The following SUGCT variants were observed in gnomAD, a reference collection of about 807,000 sequenced individuals.
SUGCT encodes succinyl-CoA:glutarate-CoA transferase.
SUGCT carries 41 observed loss-of-function variants against 55.0 expected under a neutral mutation model. The ratio of observed to expected loss-of-function variants is 0.74; its 90% CI spans 0.58 to 0.97. The LOEUF (loss-of-function observed/expected upper bound fraction) is 0.97. Among genes scored for constraint, SUGCT ranks in the 50% least tolerant of loss-of-function variants. The pLI is 0.00. For synonymous variants in SUGCT, 187 were observed against 200.4 expected, an observed-to-expected ratio of 0.93 and a Z score of 0.56; for missense variants, 568 against 547.8, an observed-to-expected ratio of 1.04 and a Z score of -0.37.
chr7:40,303,803 G>T lies in SUGCT; in HGVS notation c.721-12957G>T, dbSNP rs373592324. 2.0e-5 allele frequency among the ~76,000 whole-genome samples: 3 copies of T among 152,228 alleles called. No individual in the cohort carries two copies. The East Asian group carries it at 5.8e-4, about 29-fold the overall frequency. ...CCACCTCTCTCCCCGTTTTGGAGGG[G>T]ATAATACATTATTGAATGGTGTTGG... On this transcript the variant is annotated intron_variant, in intron 8 of 13. Transcript: ENST00000335693.
chr7:41,017,663 C>T, the SUGCT span, among the ~76,000 whole-genome samples: 9 of 150,392 alleles, frequency 6.0e-5, no homozygotes, highest in East Asian at 4.0e-4. Flanking sequence ...CCCAGCTACT[C>T]GGGAGGCTGA....
At chr7:40,598,808 G>A (rs1798153969) in intron 12 of SUGCT, among the ~76,000 whole-genome samples, 1 of 150,928 alleles carries the variant, frequency 6.6e-6, no homozygotes, top group Non-Finnish European at 1.5e-5. Flanking sequence ...TGTGTAGATA[G>A]TGTGCAAATT....
At chr7:40,153,606 C>A in intron 1 of SUGCT, 1 of 518,562 alleles carries the variant, frequency 1.9e-6, no homozygotes, top group South Asian at 1.4e-5. Flanking sequence ...CCTCTGTGGT[C>A]TGCTACCTTA....
At chr7:40,169,706 TC>T (rs1274690074) in intron 1 of SUGCT, among the ~76,000 whole-genome samples, 1 of 152,024 alleles carries the variant, frequency 6.6e-6, no homozygotes, top group Non-Finnish European at 1.5e-5. Flanking sequence ...GCCTCCAAAG[TC>T]CGTTTGCCTG....
At chr7:40,666,407 G>GAAGGAA in intron 12 of SUGCT, among the ~76,000 whole-genome samples, 1 of 145,216 alleles carries the variant, frequency 6.9e-6, no homozygotes, top group African/African-American at 2.6e-5. Flanking sequence ...AAGAAAGTAG[G>GAAGGAA]GTTATAGGTT....
chr7:40,569,315 C>A (rs1033883825), intron 12 of SUGCT, among the ~76,000 whole-genome samples: 1 of 152,176 alleles, frequency 6.6e-6, no homozygotes, highest in Admixed American at 6.5e-5. Flanking sequence ...CTCCCCTGAT[C>A]AGTAATGTGT....
intron 12 of SUGCT, among the ~76,000 whole-genome samples, chr7:40,575,283 T>C (rs1188548740): frequency 6.6e-6 from 1 of 152,208 alleles, no homozygotes; most frequent in Non-Finnish European, 1.5e-5. Context: ...ATTGTTGCCT[T>C]ATCTTCTGTT....
the SUGCT span, among the ~76,000 whole-genome samples, chr7:41,008,076 T>C: frequency 6.6e-6 from 1 of 152,192 alleles, no homozygotes; most frequent in African/African-American, 2.4e-5. Flanking sequence ...AAAATCTGGC[T>C]GTGGAGCAAT....
intron 12 of SUGCT, among the ~76,000 whole-genome samples, chr7:40,594,214 T>G (rs1482831498): frequency 6.6e-6 from 1 of 151,190 alleles, no homozygotes; most frequent in Non-Finnish European, 1.5e-5. Context: ...TTGGGAGAGA[T>G]CCCTAATGCT....
Position 40,635,530 on chromosome 7 carries a change from G to A in SUGCT, c.1090-113904G>A, listed in dbSNP as rs1799988101. ...TGAGTTATCAGCCAGAAAAAACATT[G>A]AATGCTAATCAAATTAAATTAACAC... On this transcript the variant is annotated intron_variant, in intron 12 of 13. Transcript: ENST00000335693. Among the ~76,000 whole-genome samples the A allele has an allele frequency of 2.0e-5, 3 of 152,092 alleles. No individual in the cohort carries two copies. In the South Asian group the frequency reaches 6.2e-4, roughly 32 times the overall value.
chr7:40,979,592 T>G, the SUGCT span: 1 of 152,186 alleles, frequency 6.6e-6, no homozygotes, highest in Non-Finnish European at 1.5e-5. Context: ...CATGGTCAAG[T>G]CATGTAGAAA....
intron 12 of SUGCT, among the ~76,000 whole-genome samples, chr7:40,506,385 G>GT (rs1792595064): frequency 1.3e-5 from 2 of 151,994 alleles, no homozygotes; most frequent in South Asian, 4.1e-4. Context: ...ATTCCCTTGA[G>GT]TGTAATGTAT....
chr7:40,426,821 A>AT (rs553287223), intron 9 of SUGCT, among the ~76,000 whole-genome samples: 3 of 151,780 alleles, frequency 2.0e-5, no homozygotes, highest in Non-Finnish European at 2.9e-5. Flanking sequence ...TTAATTTTTA[A>AT]TTTTTTTTAA....
chr7:40,856,642 GA>G (rs1256813102), intron 13 of SUGCT, among the ~76,000 whole-genome samples: 1 of 152,154 alleles, frequency 6.6e-6, no homozygotes, highest in African/African-American at 2.4e-5. Context: ...TGCCATGTAG[GA>G]AGTCAAGAGC....
chr7:40,952,144 G>C, the SUGCT span, among the ~76,000 whole-genome samples: 1 of 152,062 alleles, frequency 6.6e-6, no homozygotes, highest in East Asian at 1.9e-4. Context: ...CTCCTGTATT[G>C]GGTGCATATA....
chr7:40,268,699 G>C (rs1384424134), intron 7 of SUGCT, among the ~76,000 whole-genome samples: 2 of 151,714 alleles, frequency 1.3e-5, no homozygotes, highest in Non-Finnish European at 2.9e-5. Context: ...CCCTAGGTTG[G>C]AGTGCAGTGG....
intron 9 of SUGCT, among the ~76,000 whole-genome samples, chr7:40,405,016 T>G (rs953704201): frequency 6.6e-6 from 1 of 152,160 alleles, no homozygotes; most frequent in Non-Finnish European, 1.5e-5. Flanking sequence ...CAGGGAATGT[T>G]TTTCAATTTT....
At chr7:40,736,596 A>G (rs1787175509) in intron 12 of SUGCT, among the ~76,000 whole-genome samples, 1 of 152,014 alleles carries the variant, frequency 6.6e-6, no homozygotes, top group Non-Finnish European at 1.5e-5. Flanking sequence ...GAGGAAAAAA[A>G]TACAGATTAC....
At chr7:40,933,297 G>A in the SUGCT span, among the ~76,000 whole-genome samples, 2 of 152,190 alleles carry the variant, frequency 1.3e-5, no homozygotes, top group African/African-American at 4.8e-5. Flanking sequence ...TCTGCCGAGA[G>A]ATCTGCTGTT....
Sources: gnomAD v4.1 joint callset for allele counts (sites outside exome capture counted in the v4.1 genomes callset) on GRCh38, gnomAD v4.1.1 for gene constraint, MANE v1.5 for transcripts, NCBI Gene and HGNC (gene_info 2026-07-23, HGNC 2026-07-21) for gene names.